PIWIL1: variants seen among roughly 807,000 people sequenced by gnomAD.
PIWIL1 encodes piwi like RNA-mediated gene silencing 1, also known as piwi-like protein 1.
In PIWIL1, 73 loss-of-function variants were observed where a neutral mutation model predicts 114.4. The ratio of observed to expected loss-of-function variants is 0.64; its 90% CI spans 0.53 to 0.78. PIWIL1 has a LOEUF of 0.78. Ranked by LOEUF, PIWIL1 falls within the 30% of genes least tolerant of loss-of-function variation. The pLI is 0.00. For missense variants in PIWIL1, 723 were observed against 1,063.1 expected, an observed-to-expected ratio of 0.68 and a Z score of 4.45; for synonymous variants, 375 against 369.0, an observed-to-expected ratio of 1.02 and a Z score of -0.19.
intron 19 of PIWIL1, 66 bp from the exon 20 acceptor site, chr12:130,371,110 C>G: frequency 7.3e-7 from 1 of 1,364,534 alleles, no homozygotes; most frequent in Non-Finnish European, 1.0e-6. Context: ...GAGCTTTTCA[C>G]TGTAAGAAAC....
In PIWIL1 at chr12:130,354,426, T is replaced by C. The variant is rs180967904; in HGVS notation, c.1045-111T>C. On this transcript the variant is annotated intron_variant, in intron 9 of 20. Transcript: ENST00000245255. ...CTTTACTCTGAAGCTATTATCAGCC[T>C]TGCTATTGGCATCAGCTCTTTATTT... 10 of 1,353,902 alleles carry C rather than the reference T, an allele frequency of 7.4e-6. No individual in the cohort carries two copies. The African/African-American group carries it at 1.0e-4, about 14-fold the overall frequency. The allele number at this position is 1,353,902 out of a possible 1,614,324, so 83.9% of individuals were successfully genotyped here.
the PIWIL1 span, among the ~76,000 whole-genome samples, chr12:130,413,685 A>G: frequency 6.7e-6 from 1 of 149,950 alleles, no homozygotes; most frequent in Admixed American, 6.7e-5. Context: ...GATAGGAAAC[A>G]ACCTCCATCA....
intron 3 of PIWIL1, chr12:130,345,525 C>G: frequency 2.3e-6 from 1 of 434,988 alleles, no homozygotes; most frequent in Non-Finnish European, 4.1e-6. Flanking sequence ...AAGGGTGCAT[C>G]TGCAATTGCC....
chr12:130,420,672 G>A, the PIWIL1 span, among the ~76,000 whole-genome samples: 1 of 152,124 alleles, frequency 6.6e-6, no homozygotes, highest in Non-Finnish European at 1.5e-5. The surrounding 1 kb of genome is among the most constrained non-coding windows in gnomAD (Gnocchi z 4.3). Flanking sequence ...CCAAAGCGGA[G>A]ACAAAAAATA....
chr12:130,402,387 A>T, the PIWIL1 span, among the ~76,000 whole-genome samples: 37 of 152,266 alleles, frequency 2.4e-4, no homozygotes, highest in Non-Finnish European at 5.0e-4. Context: ...ACTGGCAGTC[A>T]GAACGCTGGA....
intron 14 of PIWIL1, among the ~76,000 whole-genome samples, chr12:130,358,973 C>G (rs956945916): frequency 1.3e-5 from 2 of 152,286 alleles, no homozygotes; most frequent in African/African-American, 4.8e-5. Context: ...GCACACACCC[C>G]TGCACACACT....
the PIWIL1 span, among the ~76,000 whole-genome samples, chr12:130,403,584 TAA>T: frequency 6.6e-6 from 1 of 152,204 alleles, no homozygotes; most frequent in African/African-American, 2.4e-5. Context: ...AACTGCAGTC[TAA>T]AAAGATACTG....
the PIWIL1 span, chr12:130,383,754 T>C: frequency 2.0e-5 from 3 of 152,248 alleles, no homozygotes; most frequent in Non-Finnish European, 4.4e-5. Flanking sequence ...GCATTTAGCC[T>C]GTGGTGAGGC....
At chr12:130,379,237 C>A in the PIWIL1 span, among the ~76,000 whole-genome samples, 2 of 152,326 alleles carry the variant, frequency 1.3e-5, no homozygotes, top group African/African-American at 4.8e-5. Flanking sequence ...ATAAATAATG[C>A]CTTTTTTCTT....
the PIWIL1 span, chr12:130,412,550 CCTCT>C: frequency 2.1e-6 from 3 of 1,428,084 alleles, no homozygotes; most frequent in Non-Finnish European, 2.9e-6. Context: ...TCACCGCCTG[CCTCT>C]CTGAGCGGCA....
intron 19 of PIWIL1, 124 bp from the exon 20 acceptor site, chr12:130,371,052 T>C: frequency 1.3e-6 from 1 of 779,430 alleles, no homozygotes; most frequent in Non-Finnish European, 2.1e-6. Flanking sequence ...CGTTACAGCG[T>C]GAGAAGAGAT....
the PIWIL1 span, chr12:130,407,772 A>T: frequency 6.2e-7 from 1 of 1,614,168 alleles, no homozygotes; most frequent in Non-Finnish European, 8.5e-7. Context: ...GTAGTCATAC[A>T]GGGCCACCAT....
the PIWIL1 span, chr12:130,399,629 C>T: frequency 6.2e-7 from 1 of 1,603,936 alleles, no homozygotes; most frequent in Non-Finnish European, 8.5e-7. Context: ...TATTAGACCA[C>T]ATATGGCAGA....
the PIWIL1 span, among the ~76,000 whole-genome samples, chr12:130,387,888 C>T: frequency 6.6e-6 from 1 of 152,184 alleles, no homozygotes; most frequent in East Asian, 1.9e-4. Context: ...CCAAATTTGC[C>T]AGTTTTTCTT....
At chr12:130,418,231 AAATGTCAGT>A in the PIWIL1 span, among the ~76,000 whole-genome samples, 2 of 152,224 alleles carry the variant, frequency 1.3e-5, no homozygotes, top group Non-Finnish European at 2.9e-5. Flanking sequence ...GCCTAATCTA[AAATGTCAGT>A]AATTTCTGCC....
the PIWIL1 span, chr12:130,414,275 G>A: frequency 1.9e-6 from 3 of 1,607,222 alleles, no homozygotes; most frequent in East Asian, 4.5e-5. Context: ...CTTCATAGAA[G>A]TCTGGAGAAA....
the PIWIL1 span, among the ~76,000 whole-genome samples, chr12:130,404,942 T>C: frequency 6.6e-6 from 1 of 152,328 alleles, no homozygotes; most frequent in East Asian, 1.9e-4. Context: ...TTTTTTATTA[T>C]TAAAAAATGA....
the PIWIL1 span, among the ~76,000 whole-genome samples, chr12:130,400,072 C>G: frequency 6.6e-6 from 1 of 152,138 alleles, no homozygotes; most frequent in African/African-American, 2.4e-5. Flanking sequence ...GCCAAAGAGC[C>G]CCTGGGATTC....
the PIWIL1 span, among the ~76,000 whole-genome samples, chr12:130,379,471 T>A: frequency 2.0e-4 from 2 of 9,992 alleles, no homozygotes; most frequent in African/African-American, 3.4e-4. Flanking sequence ...GTTCCTTCAA[T>A]TCCCTCATCC....
Sources: gnomAD v4.1 joint callset for allele counts (sites outside exome capture counted in the v4.1 genomes callset) on GRCh38, gnomAD v4.1.1 for gene constraint, Gnocchi (gnomAD v3.1) non-coding constraint, MANE v1.5 for transcripts, NCBI Gene and HGNC (gene_info 2026-07-23, HGNC 2026-07-21) for gene names.